Variants in TARBP2 observed in about 807,000 individuals in gnomAD.
TARBP2 encodes the protein TARBP2 subunit of RISC loading complex, also known as RISC-loading complex subunit TARBP2.
In TARBP2, 23 loss-of-function variants were observed where a neutral mutation model predicts 40.4. The ratio of observed to expected loss-of-function variants is 0.57; its 90% CI spans 0.41 to 0.81. The LOEUF (loss-of-function observed/expected upper bound fraction) is 0.81, where lower values mean the gene tolerates loss of function less well. Among genes scored for constraint, TARBP2 ranks in the 30% least tolerant of loss-of-function variants. The pLI is 0.00. For missense variants in TARBP2, 358 were observed against 473.7 expected (o/e 0.76, Z 2.27); for synonymous variants, 183 against 190.5 (o/e 0.96, Z 0.32).
At position 53,503,325 on chromosome 12, in the gene TARBP2, A is replaced by G. The variant is rs1943805535; in HGVS notation, c.326+196A>G. The stretch of plus-strand genomic sequence containing the variant: ...AATTCTTGGGGTGGAGGGGTTGGTT[A>G]GCCCCATAGAGGGGTTGTGGCAGTA... On this transcript the variant is annotated intron_variant, in intron 3 of 8. Coordinates refer to ENST00000266987, the MANE Select transcript of TARBP2 (RefSeq NM_134323.2). 4 of 1,286,284 alleles carry G rather than the reference A, an allele frequency of 3.1e-6. No individual in the cohort carries two copies. The South Asian group carries it at 7.3e-5, about 23-fold the overall frequency. 79.7% of individuals were successfully genotyped at this position (1,286,284 alleles called of 1,614,324 possible).
chr12:53,503,666 CCCCCTAT>C (rs763252387), intron 3 of TARBP2, 40 bp from the exon 4 acceptor site: 1 of 1,405,572 alleles, frequency 7.1e-7, no homozygotes, highest in Admixed American at 1.7e-5. Flanking sequence ...CCCCTCTCTT[CCCCCTAT>C]ACATGGGTGT....
At position 53,506,109 on chromosome 12, in the gene TARBP2, T is replaced by C. The variant is rs770792947; in HGVS notation, c.1062T>C (p.Arg354=). The C allele has an allele frequency of 6.2e-7, 1 of 1,614,000 alleles. No homozygotes were observed. The highest frequency in any genetic ancestry group is 8.5e-7 in the Non-Finnish European group (1 of 1,180,000). Reference sequence around the variant, plus strand: ...CAGCCCGTGGTGAGGCTGCCCGCCGTGCCCTGCAGTACCTCAAGATCATGG... The same window carrying C: ...CAGCCCGTGGTGAGGCTGCCCGCCGCGCCCTGCAGTACCTCAAGATCATGG... ...REAARGEAAR[R]ALQYLKIMAG... The change falls in exon 9 of 9, where the codon CGT becomes CGC. Residue 354 remains arginine (R), a synonymous_variant. Transcript: ENST00000266987.
At position 53,505,285 on chromosome 12, in the gene TARBP2, G is replaced by A. The variant is rs770490195; in HGVS notation, c.741+23G>A. The A allele has an allele frequency of 2.6e-6, 4 of 1,568,258 alleles. No individual in the cohort carries two copies. In the African/African-American group the frequency reaches 4.1e-5, roughly 16 times the overall value. ...ATTGTGAGTGGCTCATGTGGGCCGGGCACCGTGGCCCATCCTCCATGCCAG... is the reference window on the plus strand; with the variant it reads ...ATTGTGAGTGGCTCATGTGGGCCGGACACCGTGGCCCATCCTCCATGCCAG... On this transcript the variant is annotated intron_variant, in intron 7 of 8. Transcript: ENST00000266987. This position sits in a 1 kb window ranked among gnomAD's most constrained non-coding sequence, Gnocchi z 4.5.
Position 53,506,268 on chromosome 12 carries a change from T to C in TARBP2, c.*120T>C. 2 of 1,306,712 alleles carry C rather than the reference T, an allele frequency of 1.5e-6. No homozygotes were observed. The highest frequency in any genetic ancestry group is 2.1e-6 in the Non-Finnish European group (2 of 969,702). 80.9% of individuals were successfully genotyped at this position (1,306,712 alleles called of 1,614,324 possible). On this transcript the variant is annotated 3_prime_UTR_variant, in exon 9 of 9. Transcript: ENST00000266987. ...TGCCATCTCTACCTCTGACACAGAC[T>C]GCCTGCCTTGAAGCTGAGAAGGCAC...
chr12:53,502,838 G>A, intron 2 of TARBP2, 189 bp from the exon 3 acceptor site: 1 of 515,972 alleles, frequency 1.9e-6, no homozygotes, highest in Non-Finnish European at 3.3e-6. Context: ...CTTAATTCTG[G>A]AAGCTAACGG....
Position 53,503,052 on chromosome 12 carries a change from C to T in TARBP2, c.249C>T (p.Ala83=), listed in dbSNP as rs1387489855. 3 of 1,550,896 alleles carry T rather than the reference C, an allele frequency of 1.9e-6. No individual in the cohort carries two copies. In the East Asian group the frequency reaches 7.3e-5, roughly 38 times the overall value. ...CTGQGPSKKA[A]KHKAAEVALK... is the part of the protein sequence containing the mutation. ...GTCAGGGCCCCAGCAAGAAGGCAGC[C>T]AAGCACAAGGCAGCTGAGGTGGCCC... The change falls in exon 3 of 9, where the codon GCC becomes GCT. Residue 83 remains alanine (A), a synonymous_variant. Transcript: ENST00000266987.
In TARBP2 at chr12:53,505,159, C is replaced by T; in HGVS notation, c.638C>T (p.Ala213Val). 2 of 1,610,094 alleles carry T rather than the reference C, an allele frequency of 1.2e-6. No homozygotes were observed. The highest frequency in any genetic ancestry group is 1.1e-5 in the South Asian group (1 of 90,926). ...EIGSGTSKKL[A>V]KRNAAAKMLL... ...GGGAGTGGCACTTCCAAAAAATTGG[C>T]AAAGCGGAATGCGGCGGCCAAAATG... The change falls in exon 7 of 9, where the codon GCA (alanine) becomes GTA (valine). Residue 213 changes from alanine to valine, a missense_variant. Physicochemically the swap from Ala to Val is moderately conservative, Grantham distance 64 (BLOSUM62 0). Coordinates refer to ENST00000266987, the MANE Select transcript of TARBP2 (RefSeq NM_134323.2). The surrounding 1 kb of genome is among the most constrained non-coding windows in gnomAD (Gnocchi z 4.5).
Position 53,502,042 on chromosome 12 carries a change from A to T in TARBP2, c.81A>T (p.Pro27=). 1 of 1,614,204 alleles carries T rather than the reference A, an allele frequency of 6.2e-7. No individual in the cohort carries two copies. Among genetic ancestry groups the T allele is most frequent in the African/African-American group, 1.3e-5 (1 of 75,036 alleles). ...PSIEQMLAAN[P]GKTPISLLQE... ...TAGAGCAAATGCTGGCCGCCAACCCAGGCAAGACCCCGATCAGCCTTCTGC... is the reference window on the plus strand; with the variant it reads ...TAGAGCAAATGCTGGCCGCCAACCCTGGCAAGACCCCGATCAGCCTTCTGC... The change falls in exon 2 of 9, where the codon CCA becomes CCT. Residue 27 remains proline, a synonymous_variant. Transcript: ENST00000266987.
chr12:53,502,231 C>T lies in TARBP2; in HGVS notation c.223+47C>T, dbSNP rs766840865. On this transcript the variant is annotated intron_variant, in intron 2 of 8. Coordinates refer to ENST00000266987, the MANE Select transcript of TARBP2 (RefSeq NM_134323.2). ...TGGCTGGGGTGTGCATTTGCAGGTC[C>T]CCATGGCTTTGTTTCTTGGAGTCTC... 2.5e-6 allele frequency: 4 copies of T among 1,603,988 alleles called. No homozygotes were observed. In the East Asian group the frequency reaches 9.0e-5, roughly 36 times the overall value.
At chr12:53,502,315 G>T in intron 2 of TARBP2, 131 bp downstream of exon 2, 1 of 1,244,304 alleles carries the variant, frequency 8.0e-7, no homozygotes, top group Non-Finnish European at 1.1e-6. Context: ...CAGGGGAAAA[G>T]CTACTGACTG....
intron 2 of TARBP2, 41 bp from the exon 3 acceptor site, chr12:53,502,986 C>A (rs1565898766): frequency 3.3e-6 from 5 of 1,521,826 alleles, no homozygotes; most frequent in Non-Finnish European, 3.5e-6. Flanking sequence ...CTTTCCCGTC[C>A]TTTCAGTGAC....
At chr12:53,501,164 C>G (rs988198262), upstream of TARBP2, 15 of 557,042 alleles carry the variant, frequency 2.7e-5, no homozygotes, top group African/African-American at 1.4e-4. Flanking sequence ...AGGGCCCGCT[C>G]CTCCCAGAAG....
Position 53,506,037 on chromosome 12 carries a change from C to T in TARBP2, c.990C>T (p.Ser330=), listed in dbSNP as rs1565902749. The T allele has an allele frequency of 6.2e-7, 1 of 1,614,068 alleles. No homozygotes were observed. The stretch of plus-strand genomic sequence containing the variant: ...TCTGCCAGTGCCTGGTGGAACTGTC[C>T]ACCCAGCCGGCCACTGTGTGTCATG... The part of the protein sequence containing the change: ...SGLCQCLVEL[S]TQPATVCHGS... The change falls in exon 9 of 9, where the codon TCC becomes TCT. Residue 330 remains serine, a synonymous_variant. Transcript: ENST00000266987.
Position 53,506,041 on chromosome 12 carries a change from C to T in TARBP2, c.994C>T (p.Gln332Ter). The stretch of plus-strand genomic sequence containing the variant: ...CCAGTGCCTGGTGGAACTGTCCACC[C>T]AGCCGGCCACTGTGTGTCATGGCTC... ...LCQCLVELST[Q>*]PATVCHGSAT... The change falls in exon 9 of 9, where the codon CAG becomes TAG. Residue 332 changes from glutamine (Q) to a stop codon, truncating the protein, a stop_gained. Transcript: ENST00000266987. LOFTEE classifies it high-confidence loss of function. 1 of 1,614,114 alleles carries T rather than the reference C, an allele frequency of 6.2e-7. No individual in the cohort carries two copies. The highest frequency in any genetic ancestry group is 8.5e-7 in the Non-Finnish European group (1 of 1,180,030).
chr12:53,503,120 A>C lies in TARBP2; in HGVS notation c.317A>C (p.Glu106Ala). 1 of 1,549,534 alleles carries C rather than the reference A, an allele frequency of 6.5e-7. No individual in the cohort carries two copies. Among genetic ancestry groups the C allele is most frequent in the Non-Finnish European group, 8.7e-7 (1 of 1,145,846 alleles). Residue 106 changes from glutamate to alanine, a missense_variant, in exon 3 of 9, where the codon GAG (glutamate) becomes GCG (alanine). Physicochemically the swap from Glu to Ala is moderately radical, Grantham distance 107. Around this residue, in one of 3 missense-constraint regions of TARBP2, gnomAD observed 317 missense variants for 422.9 expected, o/e 0.75. Coordinates refer to ENST00000266987, the MANE Select transcript of TARBP2 (RefSeq NM_134323.2). ...GGGAGCATGCTGGAGCCGGCCCTGGAGGACAGCAGGTGAGGGAGGAACCGA... is the reference window on the plus strand; with the variant it reads ...GGGAGCATGCTGGAGCCGGCCCTGGCGGACAGCAGGTGAGGGAGGAACCGA... ...KGGSMLEPAL[E>A]DSSSFSPLDS...
intron 4 of TARBP2, 27 bp from the exon 5 acceptor site, chr12:53,504,370 A>G: frequency 6.5e-7 from 1 of 1,538,486 alleles, no homozygotes; most frequent in Non-Finnish European, 8.7e-7. Context: ...CTTCACCTCA[A>G]CTTTGGCCCT....
intron 1 of TARBP2, chr12:53,501,791 T>A: frequency 7.4e-7 from 1 of 1,357,028 alleles, no homozygotes; most frequent in African/African-American, 1.5e-5. Flanking sequence ...GTGCCCACCT[T>A]AACTGAGGCA....
intron 3 of TARBP2, 77 bp downstream of exon 3, chr12:53,503,206 T>C: frequency 1.4e-6 from 2 of 1,456,782 alleles, no homozygotes; most frequent in Non-Finnish European, 1.8e-6. Flanking sequence ...CCCCGAGGCC[T>C]GGCCAGGTGA....
chr12:53,502,207 G>C (rs760119296), intron 2 of TARBP2, 23 bp downstream of exon 2: 5 of 1,613,366 alleles, frequency 3.1e-6, no homozygotes, highest in Non-Finnish European at 4.2e-6. Flanking sequence ...TGGGCAGCCT[G>C]GCTGGGGTGT....
Sources: gnomAD v4.1 joint callset for allele counts on GRCh38, gnomAD v4.1.1 for gene constraint, gnomAD v4.1.1 regional missense constraint, Gnocchi (gnomAD v3.1) non-coding constraint, MANE v1.5 for transcripts, NCBI Gene and HGNC (gene_info 2026-07-23, HGNC 2026-07-21) for gene names.